The following RUNX1T1 variants were observed in gnomAD, a reference collection of about 807,000 sequenced individuals.
The protein encoded by RUNX1T1 is protein CBFA2T1.
A neutral mutation model predicts 62.8 loss-of-function variants in RUNX1T1; 4 were observed. The observed-to-expected ratio is 0.06, with a 90% CI of 0.03 to 0.15. The LOEUF (loss-of-function observed/expected upper bound fraction) is 0.15, where lower values mean the gene tolerates loss of function less well. Among genes scored for constraint, RUNX1T1 ranks in the 10% least tolerant of loss-of-function variants. The pLI, the probability that RUNX1T1 is intolerant of heterozygous loss-of-function variation, is 1.00. For synonymous variants in RUNX1T1, 291 were observed against 286.0 expected, an observed-to-expected ratio of 1.02 and a Z score of -0.18; for missense variants, 508 against 754.3, an observed-to-expected ratio of 0.67 and a Z score of 3.82.
chr8:91,983,991 T>G, intron 8 of RUNX1T1, among the ~76,000 whole-genome samples: 1 of 152,332 alleles, frequency 6.6e-6, no homozygotes, highest in Non-Finnish European at 1.5e-5. Flanking sequence ...TAATGGCAAC[T>G]TAGGATTCTG....
chr8:92,077,896 T>C (rs1294757741), intron 1 of RUNX1T1, among the ~76,000 whole-genome samples: 1 of 152,128 alleles, frequency 6.6e-6, no homozygotes, highest in Non-Finnish European at 1.5e-5. Flanking sequence ...AATTACCATG[T>C]GATAAACTTT....
intron 10 of RUNX1T1, among the ~76,000 whole-genome samples, chr8:91,964,952 G>T (rs1372269057): frequency 1.3e-5 from 2 of 152,182 alleles, no homozygotes; most frequent in Admixed American, 6.5e-5. Flanking sequence ...AACAGAACAT[G>T]TAAAGCAGGA....
At chr8:92,062,715 A>G (rs761199947) in exon 1 of RUNX1T1, 3 of 1,578,684 alleles carry the variant, frequency 1.9e-6, no homozygotes, top group South Asian at 2.2e-5. Context: ...TGCGCCTGCC[A>G]GGCAGAGACA....
rs763510689 is a variant in RUNX1T1 at position 92,034,795 on chromosome 8, T to TAC, written c.8-17433_8-17432insGT. Among the ~76,000 whole-genome samples, 244 of 73,470 alleles carry TAC rather than the reference T, an allele frequency of 3.3e-3. 4 individuals are homozygous for TAC. Among genetic ancestry groups the TAC allele is most frequent in the Admixed American group, 7.1e-3 (54 of 7,580 alleles). The allele number at this position is 73,470 out of a possible 152,430, so 48.2% of individuals were successfully genotyped here. A position where few individuals can be genotyped will look rare whatever the true frequency, so the allele number is the denominator to read the frequency against. ...ATATATACACATATATATATACATA[T>TAC]ATACACACACACACACACACACACA... is the stretch of plus-strand genomic sequence containing the variant. On this transcript the variant is annotated intron_variant, in intron 1 of 10. Coordinates refer to ENST00000396218, the Ensembl canonical transcript of RUNX1T1.
chr8:91,994,318 C>T (rs1471389207), intron 5 of RUNX1T1, among the ~76,000 whole-genome samples: 4 of 152,192 alleles, frequency 2.6e-5, no homozygotes, highest in East Asian at 1.9e-4. Flanking sequence ...ATTCTAGATA[C>T]TGATTTATCA....
intron 5 of RUNX1T1, among the ~76,000 whole-genome samples, chr8:91,998,790 T>C (rs186167369): frequency 2.3e-4 from 35 of 152,360 alleles, no homozygotes; most frequent in Non-Finnish European, 4.7e-4. Context: ...TATGTTTCTA[T>C]TGGAGCCCTC....
chr8:92,048,065 T>C (rs1028231754), intron 1 of RUNX1T1, among the ~76,000 whole-genome samples: 2 of 152,214 alleles, frequency 1.3e-5, no homozygotes, highest in African/African-American at 4.8e-5. Context: ...ATGCTCAATA[T>C]CTGCTGTTAT....
chr8:92,095,959 A>T (rs1837714150), intron 1 of RUNX1T1, among the ~76,000 whole-genome samples: 12 of 152,214 alleles, frequency 7.9e-5, no homozygotes, highest in Admixed American at 7.9e-4. Context: ...ACCTCCATCC[A>T]AACAGCCACA....
chr8:91,986,794 T>A, intron 7 of RUNX1T1, 93 bp downstream of exon 8: 2 of 850,832 alleles, frequency 2.4e-6, no homozygotes, highest in Middle Eastern at 2.2e-4. Context: ...AACAATGCCT[T>A]CAAAGGATCA....
chr8:92,034,876 T>C (rs1177306195), intron 1 of RUNX1T1, among the ~76,000 whole-genome samples: 2 of 148,882 alleles, frequency 1.3e-5, no homozygotes. Flanking sequence ...AATCAAATCA[T>C]GTATTTTGCA....
chr8:92,012,054 A>G (rs1822048280), intron 3 of RUNX1T1, among the ~76,000 whole-genome samples: 1 of 152,150 alleles, frequency 6.6e-6, no homozygotes. Context: ...ATATTGCTCC[A>G]CCCACTTTTT....
rs1817751340 is a variant in RUNX1T1 at position 91,991,896 on chromosome 8, G to A, written c.660-7C>T. The A allele has an allele frequency of 6.2e-7, 1 of 1,613,216 alleles. No individual in the cohort carries two copies. ...AAAGCCATTTTCTTTGGTTCTAAAGGGGGAAAAAACAAGAGTTTGTTTCAT... is the reference window on the plus strand; with the variant it reads ...AAAGCCATTTTCTTTGGTTCTAAAGAGGGAAAAAACAAGAGTTTGTTTCAT... On this transcript the variant is annotated splice_polypyrimidine_tract_variant and splice_region_variant and intron_variant, in intron 5 of 10. Coordinates refer to ENST00000396218, the Ensembl canonical transcript of RUNX1T1.
chr8:92,097,104 C>T (rs543555051), intron 1 of RUNX1T1, among the ~76,000 whole-genome samples: 4 of 152,248 alleles, frequency 2.6e-5, no homozygotes, highest in African/African-American at 9.6e-5. Flanking sequence ...AAAATCTTGT[C>T]ATGCAATGAA....
intron 1 of RUNX1T1, among the ~76,000 whole-genome samples, chr8:92,034,592 A>G (rs1487065241): frequency 2.6e-5 from 4 of 152,026 alleles, no homozygotes; most frequent in Admixed American, 2.6e-4. Context: ...AGTTTATTGC[A>G]GCACTATTCA....
rs893330629 is a variant in RUNX1T1 at position 92,019,344 on chromosome 8, G to A, written c.8-1981C>T. Among the ~76,000 whole-genome samples, 5 of 152,098 alleles carry A rather than the reference G, an allele frequency of 3.3e-5. No homozygotes were observed. In the East Asian group the frequency reaches 7.7e-4, roughly 24 times the overall value. Reference sequence around the variant, plus strand: ...TTTTCATTCTGCTAACACTCACACGGAACTGTTAGAGAAGGCAGTCCAGAT... The same window carrying A: ...TTTTCATTCTGCTAACACTCACACGAAACTGTTAGAGAAGGCAGTCCAGAT... On this transcript the variant is annotated intron_variant, in intron 1 of 10. Transcript: ENST00000396218.
chr8:91,967,421 C>T (rs1175301514), intron 10 of RUNX1T1, among the ~76,000 whole-genome samples: 1 of 151,962 alleles, frequency 6.6e-6, no homozygotes, highest in Non-Finnish European at 1.5e-5. Flanking sequence ...TTATTCATTC[C>T]TGCCTCCAAG....
At chr8:92,081,724 T>A (rs1835304724) in intron 1 of RUNX1T1, among the ~76,000 whole-genome samples, 1 of 152,002 alleles carries the variant, frequency 6.6e-6, no homozygotes, top group African/African-American at 2.4e-5. Flanking sequence ...TGGTTGATGG[T>A]CACACATCTC....
chr8:92,022,756 A>G (rs1290233361), intron 1 of RUNX1T1, among the ~76,000 whole-genome samples: 1 of 152,200 alleles, frequency 6.6e-6, no homozygotes, highest in Non-Finnish European at 1.5e-5. Flanking sequence ...AGCAGCACAA[A>G]TGGACTAAGA....
At chr8:91,967,346 C>A (rs1388853718) in intron 10 of RUNX1T1, among the ~76,000 whole-genome samples, 2 of 152,058 alleles carry the variant, frequency 1.3e-5, no homozygotes, top group African/African-American at 4.8e-5. Flanking sequence ...CAAAAGGCAT[C>A]CCAGTTTGGA....
Sources: gnomAD v4.1 joint callset for allele counts (sites outside exome capture counted in the v4.1 genomes callset) on GRCh38, gnomAD v4.1.1 for gene constraint, MANE v1.5 for transcripts, NCBI Gene and HGNC (gene_info 2026-07-23, HGNC 2026-07-21) for gene names.